NSRP1: variants seen among roughly 807,000 people sequenced by gnomAD.
The protein encoded by NSRP1 is nuclear speckle splicing regulatory protein 1.
A neutral mutation model predicts 54.7 loss-of-function variants in NSRP1; 24 were observed. The ratio of observed to expected loss-of-function variants is 0.44; its 90% confidence interval spans 0.32 to 0.62. The LOEUF (loss-of-function observed/expected upper bound fraction) is 0.62. NSRP1 is among the 20% of genes least tolerant of loss of function. The probability of loss-of-function intolerance (pLI) is 0.06; values close to 1 mark genes in which losing one functional copy is unlikely to be tolerated. For synonymous variants in NSRP1, 210 were observed against 213.8 expected (o/e 0.98, Z 0.15); for missense variants, 596 against 651.2 (o/e 0.92, Z 0.92).
At chr17:30,139,727 C>G (rs1284030263) in intron 2 of NSRP1, among the ~76,000 whole-genome samples, 2 of 151,880 alleles carry the variant, frequency 1.3e-5, no homozygotes, top group African/African-American at 4.8e-5. Context: ...CACAGGAATA[C>G]TGAGACACTA....
chr17:30,118,837 C>T (rs778724893), intron 2 of NSRP1, among the ~76,000 whole-genome samples: 41 of 151,836 alleles, frequency 2.7e-4, no homozygotes, highest in Non-Finnish European at 5.0e-4. Flanking sequence ...CAACCTCCGC[C>T]TCCTGGGTTC....
intron 2 of NSRP1, among the ~76,000 whole-genome samples, chr17:30,150,887 T>C (rs1177930596): frequency 6.6e-6 from 1 of 151,430 alleles, no homozygotes; most frequent in Non-Finnish European, 1.5e-5. Context: ...GGGGTTTTGC[T>C]GTGTTGGCCA....
At chr17:30,147,778 T>G (rs572641801) in intron 2 of NSRP1, among the ~76,000 whole-genome samples, 1 of 151,438 alleles carries the variant, frequency 6.6e-6, no homozygotes, top group African/African-American at 2.4e-5. Flanking sequence ...CAGACTTTTT[T>G]AAGTTAAGGA....
chr17:30,141,294 T>C (rs1290007431), intron 2 of NSRP1, among the ~76,000 whole-genome samples: 1 of 152,214 alleles, frequency 6.6e-6, no homozygotes, highest in Non-Finnish European at 1.5e-5. Flanking sequence ...CAGTGCTGCA[T>C]TGAGTGCATG....
At chr17:30,121,014 G>A (rs2071591752) in intron 2 of NSRP1, among the ~76,000 whole-genome samples, 1 of 152,088 alleles carries the variant, frequency 6.6e-6, no homozygotes, top group Non-Finnish European at 1.5e-5. Context: ...AATTTCATTT[G>A]GGAGAGAACA....
At chr17:30,149,437 T>C (rs773067927) in intron 2 of NSRP1, among the ~76,000 whole-genome samples, 9 of 152,220 alleles carry the variant, frequency 5.9e-5, no homozygotes, top group Non-Finnish European at 1.2e-4. Context: ...CTATTTGTTA[T>C]CATAGAGGAG....
chr17:30,137,708 C>T (rs1020662036), intron 2 of NSRP1, among the ~76,000 whole-genome samples: 55 of 152,224 alleles, frequency 3.6e-4, no homozygotes, highest in African/African-American at 1.3e-3. Flanking sequence ...CTTTTTTCAG[C>T]ATCTGTTACT....
At chr17:30,171,897 A>G (rs1680878350) in intron 2 of NSRP1, among the ~76,000 whole-genome samples, 2 of 149,292 alleles carry the variant, frequency 1.3e-5, no homozygotes, top group African/African-American at 5.0e-5. Context: ...GTTGGAAGGT[A>G]CCTGAAATAT....
intron 3 of NSRP1, 85 bp downstream of exon 3, chr17:30,172,683 A>T: frequency 9.8e-7 from 1 of 1,017,260 alleles, no homozygotes. Flanking sequence ...AGGTGCTGAG[A>T]CTAAAACAGA....
intron 2 of NSRP1, chr17:30,144,017 C>G (rs1181793635): frequency 6.6e-6 from 1 of 151,836 alleles, no homozygotes; most frequent in Non-Finnish European, 1.5e-5. Flanking sequence ...TTTTCTACCA[C>G]TATTTTTGGC....
chr17:30,173,770 C>T (rs1905035622), intron 3 of NSRP1, among the ~76,000 whole-genome samples: 1 of 152,048 alleles, frequency 6.6e-6, no homozygotes, highest in Non-Finnish European at 1.5e-5. Flanking sequence ...TGCATGAGAC[C>T]ACATAGTTAA....
Position 30,185,562 on chromosome 17 carries a change from A to G in NSRP1, c.1565A>G (p.Lys522Arg). The change falls in exon 7 of 7, where the codon AAG becomes AGG. Residue 522 changes from lysine to arginine, a missense_variant. Physicochemically the swap from Lys to Arg is conservative, Grantham distance 26 (BLOSUM62 2). Coordinates refer to ENST00000247026, the MANE Select transcript of NSRP1 (RefSeq NM_032141.4). ...EQERPPEAVS[K>R]FAKRNNEETV... ...GAGAGACCACCTGAGGCAGTGAGCA[A>G]GTTTGCAAAGCGGAACAATGAAGAA... is the stretch of plus-strand genomic sequence containing the variant. 4 of 1,614,170 alleles carry G rather than the reference A, an allele frequency of 2.5e-6. No individual in the cohort carries two copies. The highest frequency in any genetic ancestry group is 3.4e-6 in the Non-Finnish European group (4 of 1,180,032).
chr17:30,162,522 T>C (rs770059936), intron 2 of NSRP1, among the ~76,000 whole-genome samples: 3 of 152,160 alleles, frequency 2.0e-5, no homozygotes, highest in Non-Finnish European at 4.4e-5. Context: ...TTTAAAAAAG[T>C]AAAAAAGAAC....
intron 6 of NSRP1, among the ~76,000 whole-genome samples, chr17:30,183,914 GA>G (rs933649729): frequency 6.6e-6 from 1 of 152,064 alleles, no homozygotes; most frequent in Admixed American, 6.6e-5. Context: ...TTTTTAAAAA[GA>G]AAAAGGCCAA....
At chr17:30,126,774 A>G (rs1365198589) in intron 2 of NSRP1, among the ~76,000 whole-genome samples, 9 of 152,142 alleles carry the variant, frequency 5.9e-5, no homozygotes. Flanking sequence ...TTTTTTGTAG[A>G]GACAGGGTTT....
At position 30,177,729 on chromosome 17, in the gene NSRP1, G is replaced by A. The variant is rs1024239232; in HGVS notation, c.172-342G>A. On this transcript the variant is annotated intron_variant, in intron 3 of 6. Transcript: ENST00000247026. ...TGAATAAATGATAATAATAGTTGAT[G>A]TTTATTGAATACTTATTCTCTATCA... Among the ~76,000 whole-genome samples the A allele has an allele frequency of 3.9e-5, 6 of 152,242 alleles. No homozygotes were observed. In the South Asian group the frequency reaches 1.0e-3, roughly 26 times the overall value.
chr17:30,181,573 T>G (rs1029593573), intron 6 of NSRP1, among the ~76,000 whole-genome samples: 4 of 149,990 alleles, frequency 2.7e-5, no homozygotes, highest in African/African-American at 7.3e-5. Context: ...TTTTGTGTTT[T>G]TTGTTGTTGT....
At chr17:30,181,615 T>G (rs79071219) in intron 6 of NSRP1, among the ~76,000 whole-genome samples, 9 of 149,602 alleles carry the variant, frequency 6.0e-5, no homozygotes, top group African/African-American at 1.5e-4. Context: ...TTTTTGTTTT[T>G]TTTTTTTTTA....
intron 2 of NSRP1, among the ~76,000 whole-genome samples, chr17:30,127,374 A>C (rs1473862989): frequency 6.6e-6 from 1 of 152,204 alleles, no homozygotes; most frequent in African/African-American, 2.4e-5. Context: ...TTGTAACATA[A>C]TTTATATGCC....
Sources: allele counts gnomAD v4.1 joint callset (sites outside exome capture counted in the v4.1 genomes callset), GRCh38; gene constraint gnomAD v4.1.1; transcripts MANE v1.5; gene names NCBI Gene and HGNC (gene_info 2026-07-23, HGNC 2026-07-21).